Variants in TAFA1 observed in about 807,000 individuals in gnomAD.
TAFA1 encodes chemokine-like protein TAFA-1.
In TAFA1, 4 loss-of-function variants were observed where a neutral mutation model predicts 18.5. The ratio of observed to expected loss-of-function variants is 0.22; its 90% CI spans 0.11 to 0.49. The LOEUF is 0.49. Among genes scored for constraint, TAFA1 ranks in the 20% least tolerant of loss-of-function variants. The probability of loss-of-function intolerance (pLI) is 0.98; values close to 1 mark genes in which losing one functional copy is unlikely to be tolerated. For synonymous variants in TAFA1, 56 were observed against 55.2 expected, an observed-to-expected ratio of 1.01 and a Z score of -0.06; for missense variants, 147 against 169.0, an observed-to-expected ratio of 0.87 and a Z score of 0.72.
intron 2 of TAFA1, among the ~76,000 whole-genome samples, chr3:68,399,150 A>G (rs1489789977): frequency 6.6e-6 from 1 of 152,198 alleles, no homozygotes; most frequent in Non-Finnish European, 1.5e-5. Flanking sequence ...AAGTTTTACA[A>G]TCCAAGTCCA....
chr3:68,486,220 A>G (rs933849702), intron 3 of TAFA1, among the ~76,000 whole-genome samples: 1 of 151,792 alleles, frequency 6.6e-6, no homozygotes, highest in Admixed American at 6.6e-5. Flanking sequence ...TCAGCCTCCC[A>G]AAGTGCTGAG....
At chr3:68,189,443 G>A (rs1434905807) in intron 2 of TAFA1, among the ~76,000 whole-genome samples, 1 of 151,744 alleles carries the variant, frequency 6.6e-6, no homozygotes, top group African/African-American at 2.4e-5. Context: ...CAGCTCTGGG[G>A]TTGGCAAGCC....
At position 68,224,017 on chromosome 3, in the gene TAFA1, G is replaced by T. The variant is rs569087375; in HGVS notation, c.119-193263G>T. 1.1e-4 allele frequency among the ~76,000 whole-genome samples: 16 copies of T among 150,378 alleles called. No homozygotes were observed. In the South Asian group the frequency reaches 3.4e-3, roughly 32 times the overall value. ...ATGAGAATAAAATTTATTGAGCCCA[G>T]ATTTTATAGCCAACAACCATGCAAG... On this transcript the variant is annotated intron_variant, in intron 2 of 4. Transcript: ENST00000478136.
chr3:68,148,352 T>C (rs2065767832), intron 2 of TAFA1, among the ~76,000 whole-genome samples: 1 of 152,240 alleles, frequency 6.6e-6, no homozygotes, highest in Admixed American at 6.5e-5. Flanking sequence ...TTTGCATGAA[T>C]GTATTCTGCC....
At chr3:68,273,328 G>T (rs1575736152) in intron 2 of TAFA1, among the ~76,000 whole-genome samples, 1 of 152,200 alleles carries the variant, frequency 6.6e-6, no homozygotes, top group East Asian at 1.9e-4. Flanking sequence ...AGAAGTTGCA[G>T]TTGGAGAAAG....
At chr3:68,230,688 A>G (rs984592780) in intron 2 of TAFA1, among the ~76,000 whole-genome samples, 7 of 152,188 alleles carry the variant, frequency 4.6e-5, no homozygotes, top group African/African-American at 1.7e-4. Context: ...TTTTTTGAGG[A>G]ACCTCCATAC....
chr3:68,520,025 A>G (rs1390916166), intron 3 of TAFA1, among the ~76,000 whole-genome samples: 1 of 152,222 alleles, frequency 6.6e-6, no homozygotes, highest in East Asian at 1.9e-4. Flanking sequence ...AGGGGATCGT[A>G]TGACCAACAA....
intron 2 of TAFA1, among the ~76,000 whole-genome samples, chr3:68,180,884 T>A (rs2051981142): frequency 1.3e-5 from 2 of 152,174 alleles, no homozygotes; most frequent in Admixed American, 1.3e-4. Flanking sequence ...AACCACAGAA[T>A]ACAGCAAAAA....
At chr3:68,177,779 A>G (rs1158975912) in intron 2 of TAFA1, among the ~76,000 whole-genome samples, 1 of 152,116 alleles carries the variant, frequency 6.6e-6, no homozygotes, top group Non-Finnish European at 1.5e-5. Flanking sequence ...AATACCCATG[A>G]CCTTCAGTTT....
chr3:68,280,466 T>G (rs1184948180), intron 2 of TAFA1, among the ~76,000 whole-genome samples: 1 of 152,134 alleles, frequency 6.6e-6, no homozygotes, highest in Non-Finnish European at 1.5e-5. Context: ...GTAAGTGAAT[T>G]AGGAAAATTT....
At chr3:68,011,173 TA>T (rs1704464407) in intron 2 of TAFA1, among the ~76,000 whole-genome samples, 1 of 152,066 alleles carries the variant, frequency 6.6e-6, no homozygotes, top group African/African-American at 2.4e-5. Context: ...TAGTAAAATA[TA>T]AATCATCTCA....
intron 2 of TAFA1, among the ~76,000 whole-genome samples, chr3:68,305,066 A>G (rs1174765126): frequency 6.6e-6 from 1 of 152,010 alleles, no homozygotes; most frequent in Non-Finnish European, 1.5e-5. Flanking sequence ...TACTTTCCTT[A>G]AGTTCTAGAA....
chr3:68,041,150 C>T (rs1187203349), intron 2 of TAFA1, among the ~76,000 whole-genome samples: 1 of 152,144 alleles, frequency 6.6e-6, no homozygotes, highest in African/African-American at 2.4e-5. Flanking sequence ...AAGACATAAT[C>T]CAAAAACAAG....
intron 3 of TAFA1, among the ~76,000 whole-genome samples, chr3:68,481,395 G>T (rs1417460845): frequency 6.6e-6 from 1 of 152,148 alleles, no homozygotes; most frequent in Non-Finnish European, 1.5e-5. Context: ...GTGGTGTCTT[G>T]CTCAAACTGC....
chr3:68,357,381 GA>G (rs11425432), intron 2 of TAFA1, among the ~76,000 whole-genome samples: 3 of 150,818 alleles, frequency 2.0e-5, no homozygotes, highest in African/African-American at 7.3e-5. Context: ...TTTGTTTTCA[GA>G]AAAAAAAACT....
chr3:68,264,880 A>G (rs942808039), intron 2 of TAFA1, among the ~76,000 whole-genome samples: 2 of 152,134 alleles, frequency 1.3e-5, no homozygotes, highest in Non-Finnish European at 2.9e-5. Context: ...TGCATCTGAG[A>G]AGACAGAGAT....
At chr3:68,110,805 A>G (rs959438458) in intron 2 of TAFA1, among the ~76,000 whole-genome samples, 5 of 152,100 alleles carry the variant, frequency 3.3e-5, no homozygotes, top group Non-Finnish European at 7.4e-5. Context: ...TAATTTTGAT[A>G]GCTCATAGTG....
chr3:68,126,320 T>G (rs1228634266), intron 2 of TAFA1, among the ~76,000 whole-genome samples: 1 of 152,148 alleles, frequency 6.6e-6, no homozygotes, highest in Non-Finnish European at 1.5e-5. Flanking sequence ...TAAACATGCT[T>G]CCTGGAACTT....
At chr3:68,056,904 G>C (rs1294058435) in intron 2 of TAFA1, among the ~76,000 whole-genome samples, 1 of 152,156 alleles carries the variant, frequency 6.6e-6, no homozygotes, top group Non-Finnish European at 1.5e-5. Context: ...GGGAAAATTA[G>C]CATTTGTTAC....
Sources: gnomAD v4.1 joint callset for allele counts (sites outside exome capture counted in the v4.1 genomes callset) on GRCh38, gnomAD v4.1.1 for gene constraint, MANE v1.5 for transcripts, NCBI Gene and HGNC (gene_info 2026-07-23, HGNC 2026-07-21) for gene names.